The following DLGAP1 variants were observed in gnomAD, a reference collection of about 807,000 sequenced individuals.
The protein encoded by DLGAP1 is DLG associated protein 1.
Under a neutral mutation model 90.8 loss-of-function variants are expected in DLGAP1, and 11 were observed. The observed-to-expected ratio is 0.12, with a 90% CI of 0.08 to 0.20. The LOEUF (loss-of-function observed/expected upper bound fraction) is 0.20. DLGAP1 is among the 10% of genes least tolerant of loss of function. The probability of loss-of-function intolerance (pLI) is 1.00; values close to 1 mark genes in which losing one functional copy is unlikely to be tolerated. For synonymous variants in DLGAP1, 558 were observed against 540.7 expected (o/e 1.03, Z -0.44); for missense variants, 1,050 against 1,333.8 (o/e 0.79, Z 3.31).
chr18:3,670,441 C>G (rs963133433), intron 7 of DLGAP1, among the ~76,000 whole-genome samples: 1 of 152,198 alleles, frequency 6.6e-6, no homozygotes, highest in South Asian at 2.1e-4. Flanking sequence ...AATCTGGCAA[C>G]TGATAACTTC....
At chr18:3,891,470 G>A (rs987033901) in intron 3 of DLGAP1, among the ~76,000 whole-genome samples, 1 of 152,136 alleles carries the variant, frequency 6.6e-6, no homozygotes, top group Non-Finnish European at 1.5e-5. Flanking sequence ...AGCTGATTAG[G>A]AATAGTATCA....
chr18:4,269,342 A>G (rs187765570), intron 1 of DLGAP1, among the ~76,000 whole-genome samples: 4 of 133,256 alleles, frequency 3.0e-5, no homozygotes, highest in African/African-American at 1.3e-4. Flanking sequence ...ACATATATAT[A>G]TATATATATA....
intron 2 of DLGAP1, among the ~76,000 whole-genome samples, chr18:4,073,295 T>G (rs1440491436): frequency 6.6e-6 from 1 of 152,158 alleles, no homozygotes; most frequent in Non-Finnish European, 1.5e-5. Context: ...CAGTTTCTCA[T>G]GCAAAATAGA....
At chr18:3,631,386 A>G (rs2058519078) in intron 7 of DLGAP1, among the ~76,000 whole-genome samples, 1 of 152,194 alleles carries the variant, frequency 6.6e-6, no homozygotes, top group South Asian at 2.1e-4. Context: ...CTTAGAAAAT[A>G]CAAGGTACTT....
intron 1 of DLGAP1, among the ~76,000 whole-genome samples, chr18:4,369,318 A>G (rs1266823675): frequency 2.0e-5 from 3 of 152,092 alleles, no homozygotes; most frequent in Non-Finnish European, 4.4e-5. Flanking sequence ...TATTTCAGTG[A>G]AAAATCCTAT....
At chr18:4,118,590 A>C (rs1481333896) in intron 2 of DLGAP1, among the ~76,000 whole-genome samples, 1 of 152,170 alleles carries the variant, frequency 6.6e-6, no homozygotes, top group African/African-American at 2.4e-5. Context: ...ATGGGGCTGG[A>C]AGATGAGAAA....
chr18:4,086,521 C>T (rs923378802), intron 2 of DLGAP1, among the ~76,000 whole-genome samples: 1 of 152,154 alleles, frequency 6.6e-6, no homozygotes, highest in Non-Finnish European at 1.5e-5. Flanking sequence ...TTTAATTCCA[C>T]TGAAAATGAT....
intron 9 of DLGAP1, among the ~76,000 whole-genome samples, chr18:3,534,982 G>A (rs995070192): frequency 1.1e-4 from 17 of 151,838 alleles, no homozygotes; most frequent in Non-Finnish European, 2.1e-4. Context: ...GTGAGCCACC[G>A]TGCCTGGCAA....
rs2050934265 is a variant in DLGAP1, at chr18:3,517,803, G to A, written c.2480-9142C>T. Among the ~76,000 whole-genome samples, 1 of 139,410 alleles carries A rather than the reference G, an allele frequency of 7.2e-6. No homozygotes were observed. Among genetic ancestry groups the A allele is most frequent in the Admixed American group, 7.7e-5 (1 of 13,066 alleles). 91.5% of individuals were successfully genotyped at this position (139,410 alleles called of 152,430 possible). ...TTGCACTCCAGCCTGGGCAACAAGA[G>A]AGAAACTCTGTCTCGGAAAAAAAAA... On this transcript the variant is annotated intron_variant, in intron 10 of 12. Transcript: ENST00000315677. This position sits in a 1 kb window ranked among gnomAD's most constrained non-coding sequence, Gnocchi z 4.1.
chr18:4,226,073 A>G (rs1294327138), intron 1 of DLGAP1, among the ~76,000 whole-genome samples: 1 of 152,172 alleles, frequency 6.6e-6, no homozygotes, highest in African/African-American at 2.4e-5. Flanking sequence ...ACATACAATG[A>G]AACTCCGATG....
chr18:4,225,581 C>T (rs1182332873), intron 1 of DLGAP1, among the ~76,000 whole-genome samples: 1 of 151,830 alleles, frequency 6.6e-6, no homozygotes, highest in Non-Finnish European at 1.5e-5. Context: ...ATTCAAGATC[C>T]TATCAGATAA....
chr18:4,373,555 CAT>C (rs1356370354), intron 1 of DLGAP1, among the ~76,000 whole-genome samples: 1 of 152,188 alleles, frequency 6.6e-6, no homozygotes, highest in Non-Finnish European at 1.5e-5. Context: ...TCTGCACACA[CAT>C]AAGCACATAT....
intron 7 of DLGAP1, among the ~76,000 whole-genome samples, chr18:3,661,624 T>A (rs960414145): frequency 2.7e-5 from 4 of 149,792 alleles, no homozygotes; most frequent in African/African-American, 9.9e-5. Flanking sequence ...TTGCCCAGGC[T>A]GGAGTGCAGT....
intron 7 of DLGAP1, among the ~76,000 whole-genome samples, chr18:3,645,196 G>A (rs912608152): frequency 3.9e-5 from 6 of 152,090 alleles, no homozygotes; most frequent in Non-Finnish European, 7.4e-5. Flanking sequence ...CTTCCCAGGT[G>A]AGAGGATCAC....
chr18:3,945,974 C>T (rs2072870309), intron 3 of DLGAP1, among the ~76,000 whole-genome samples: 1 of 152,168 alleles, frequency 6.6e-6, no homozygotes, highest in East Asian at 1.9e-4. Context: ...ACCATTGGAA[C>T]CTCATGTTCT....
chr18:3,616,904 G>T (rs2145969928), intron 7 of DLGAP1, among the ~76,000 whole-genome samples: 1 of 152,314 alleles, frequency 6.6e-6, no homozygotes, highest in South Asian at 2.1e-4. Flanking sequence ...ATCAGAACAG[G>T]TGATGTAACT....
At chr18:3,564,780 T>C (rs758086075) in intron 9 of DLGAP1, among the ~76,000 whole-genome samples, 1 of 152,214 alleles carries the variant, frequency 6.6e-6, no homozygotes, top group Non-Finnish European at 1.5e-5. Flanking sequence ...CTTGTGTTTC[T>C]ACTCCAGTAA....
intron 5 of DLGAP1, among the ~76,000 whole-genome samples, chr18:3,748,351 T>A (rs2063358556): frequency 6.6e-6 from 1 of 152,236 alleles, no homozygotes; most frequent in Non-Finnish European, 1.5e-5. Flanking sequence ...TTTAAACCAG[T>A]GTCTCAAAAG....
chr18:3,846,043 GGTGTGTGTGTGTGTGTGTGTGT>G (rs35460885), intron 4 of DLGAP1, among the ~76,000 whole-genome samples: 1 of 145,024 alleles, frequency 6.9e-6, no homozygotes, highest in Non-Finnish European at 1.5e-5. Context: ...TTGAAAGTGT[GGTGTGTGTGTGTGTGTGTGTGT>G]GTGTGTGTGT....
Sources: gnomAD v4.1 joint callset for allele counts (sites outside exome capture counted in the v4.1 genomes callset) on GRCh38, gnomAD v4.1.1 for gene constraint, Gnocchi (gnomAD v3.1) non-coding constraint, MANE v1.5 for transcripts, NCBI Gene and HGNC (gene_info 2026-07-23, HGNC 2026-07-21) for gene names.